The following EPHA6 variants were observed in gnomAD, a reference collection of about 807,000 sequenced individuals.
The protein encoded by EPHA6 is ephrin type-A receptor 6.
In EPHA6, 50 loss-of-function variants were observed where a neutral mutation model predicts 112.0. The observed-to-expected ratio is 0.45, with a 90% CI of 0.36 to 0.56. EPHA6 has a LOEUF of 0.56. EPHA6 is among the 20% of genes least tolerant of loss of function. The probability of loss-of-function intolerance (pLI) is 0.00; values close to 1 mark genes in which losing one functional copy is unlikely to be tolerated. For missense variants in EPHA6, 1,280 were observed against 1,417.4 expected, an observed-to-expected ratio of 0.90 and a Z score of 1.56; for synonymous variants, 529 against 490.7, an observed-to-expected ratio of 1.08 and a Z score of -1.03.
intron 5 of EPHA6, among the ~76,000 whole-genome samples, chr3:97,403,571 T>C (rs944864629): frequency 6.6e-6 from 1 of 152,116 alleles, no homozygotes; most frequent in Non-Finnish European, 1.5e-5. Context: ...CTCAGTCTCC[T>C]GAGTAGCTGG....
At position 97,470,128 on chromosome 3, in the gene EPHA6, G is replaced by A. The variant is rs1237101721; in HGVS notation, c.1895-5224G>A. 2.0e-5 allele frequency among the ~76,000 whole-genome samples: 3 copies of A among 151,716 alleles called. No individual in the cohort carries two copies. In the East Asian group the frequency reaches 5.8e-4, roughly 29 times the overall value. ...TGCATGAGAATGTGGTGTTGAAAAT[G>A]TGAAGATTAATTAATCTCCATTATG... On this transcript the variant is annotated intron_variant, in intron 7 of 17. Transcript: ENST00000389672.
intron 3 of EPHA6, among the ~76,000 whole-genome samples, chr3:97,219,522 T>C (rs1306786714): frequency 1.3e-5 from 2 of 152,260 alleles, no homozygotes; most frequent in African/African-American, 2.4e-5. Flanking sequence ...TCTGAAGCAA[T>C]AGCCCAAGCT....
At chr3:97,506,565 T>C (rs901690396) in intron 10 of EPHA6, among the ~76,000 whole-genome samples, 14 of 152,200 alleles carry the variant, frequency 9.2e-5, no homozygotes, top group African/African-American at 2.4e-4. Flanking sequence ...ACCAGTACCA[T>C]GCTGTTTTGG....
At chr3:97,520,945 T>A (rs2092532075) in intron 10 of EPHA6, among the ~76,000 whole-genome samples, 1 of 152,120 alleles carries the variant, frequency 6.6e-6, no homozygotes. Flanking sequence ...AGACCTATAT[T>A]CAAGTTCTAA....
chr3:97,427,390 G>A (rs1321851323), intron 6 of EPHA6, among the ~76,000 whole-genome samples: 1 of 152,092 alleles, frequency 6.6e-6, no homozygotes, highest in Admixed American at 6.5e-5. Flanking sequence ...GCCTTTCCAG[G>A]AACATGGTTG....
chr3:97,541,258 A>G (rs1249614175), intron 11 of EPHA6, among the ~76,000 whole-genome samples: 1 of 152,132 alleles, frequency 6.6e-6, no homozygotes, highest in East Asian at 1.9e-4. Context: ...CCATTTTTCA[A>G]ATTTTCATTT....
At chr3:97,449,804 G>A (rs1221999409) in intron 7 of EPHA6, among the ~76,000 whole-genome samples, 2 of 152,006 alleles carry the variant, frequency 1.3e-5, no homozygotes, top group Admixed American at 1.3e-4. Flanking sequence ...TTATTATGAA[G>A]TGTTTTTTGT....
At chr3:97,669,609 AAAG>A (rs918456357) in intron 14 of EPHA6, among the ~76,000 whole-genome samples, 6 of 152,058 alleles carry the variant, frequency 3.9e-5, no homozygotes, top group South Asian at 2.1e-4. Context: ...AAAAAAAAAA[AAAG>A]AAGAAGTAGA....
At chr3:96,910,622 C>T (rs749529693) in intron 2 of EPHA6, among the ~76,000 whole-genome samples, 1 of 151,972 alleles carries the variant, frequency 6.6e-6, no homozygotes, top group Non-Finnish European at 1.5e-5. Flanking sequence ...TTGAACTTGG[C>T]CTTTAAACTT....
At chr3:97,712,274 G>A (rs1425517597) in intron 14 of EPHA6, among the ~76,000 whole-genome samples, 5 of 152,106 alleles carry the variant, frequency 3.3e-5, no homozygotes, top group Middle Eastern at 3.2e-3. Flanking sequence ...GTAGTCTTCT[G>A]TACAGCTGGG....
chr3:96,881,833 A>G (rs760288131), intron 2 of EPHA6, among the ~76,000 whole-genome samples: 4 of 152,202 alleles, frequency 2.6e-5, no homozygotes, highest in Non-Finnish European at 5.9e-5. Context: ...TGGCCAAAAC[A>G]AAGGGGCTAC....
intron 5 of EPHA6, among the ~76,000 whole-genome samples, chr3:97,315,803 G>A (rs902175472): frequency 6.6e-6 from 1 of 151,702 alleles, no homozygotes; most frequent in Non-Finnish European, 1.5e-5. Flanking sequence ...GGAAACTGAG[G>A]TTCACACACT....
At chr3:97,194,515 G>A (rs1051538250) in intron 3 of EPHA6, among the ~76,000 whole-genome samples, 1 of 151,998 alleles carries the variant, frequency 6.6e-6, no homozygotes, top group Non-Finnish European at 1.5e-5. Flanking sequence ...AATGATCTAT[G>A]TGCTGAAGAG....
chr3:97,534,460 C>CCTTTTTTTTTT (rs1491502127), intron 11 of EPHA6, among the ~76,000 whole-genome samples: 2 of 136,552 alleles, frequency 1.5e-5, no homozygotes, highest in African/African-American at 2.7e-5. Context: ...CCACCCCCCC[C>CCTTTTTTTTTT]TTTTTTTTTT....
chr3:97,603,806 T>A (rs950015398), intron 12 of EPHA6, among the ~76,000 whole-genome samples: 1 of 151,938 alleles, frequency 6.6e-6, no homozygotes, highest in African/African-American at 2.4e-5. Flanking sequence ...ATCTTGTTCA[T>A]TGAAGCAATT....
intron 3 of EPHA6, among the ~76,000 whole-genome samples, chr3:97,033,944 TC>T (rs1414160464): frequency 6.6e-6 from 1 of 151,986 alleles, no homozygotes; most frequent in Non-Finnish European, 1.5e-5. Context: ...TGAGAATTGT[TC>T]TGAGCTAAAA....
intron 14 of EPHA6, among the ~76,000 whole-genome samples, chr3:97,656,848 C>G (rs2094140560): frequency 6.6e-6 from 1 of 151,918 alleles, no homozygotes; most frequent in Admixed American, 6.6e-5. Context: ...TTCACATTAA[C>G]ATAAACACAC....
At chr3:97,039,104 TTTATCTTA>T (rs1190930904) in intron 3 of EPHA6, among the ~76,000 whole-genome samples, 1 of 152,028 alleles carries the variant, frequency 6.6e-6, no homozygotes, top group Non-Finnish European at 1.5e-5. Flanking sequence ...GCTGGAAATG[TTTATCTTA>T]TTATCAACAA....
intron 3 of EPHA6, among the ~76,000 whole-genome samples, chr3:97,067,595 G>A (rs113619788): frequency 0.017 from 2,555 of 151,786 alleles, 63 homozygotes; most frequent in African/African-American, 0.058. Context: ...AGGGAGCCAA[G>A]GAGGGAATGG....
Sources: gnomAD v4.1 joint callset for allele counts (sites outside exome capture counted in the v4.1 genomes callset) on GRCh38, gnomAD v4.1.1 for gene constraint, MANE v1.5 for transcripts, NCBI Gene and HGNC (gene_info 2026-07-23, HGNC 2026-07-21) for gene names.